Variants in ITGA7 observed in about 807,000 individuals in gnomAD.
ITGA7 encodes integrin alpha-7.
Under a neutral mutation model 131.6 loss-of-function variants are expected in ITGA7, and 84 were observed. The observed-to-expected ratio is 0.64, with a 90% confidence interval of 0.54 to 0.77. The LOEUF (loss-of-function observed/expected upper bound fraction) is 0.77. Among genes scored for constraint, ITGA7 ranks in the 30% least tolerant of loss-of-function variants. The pLI, the probability that ITGA7 is intolerant of heterozygous loss-of-function variation, is 0.00. For synonymous variants in ITGA7, 548 were observed against 600.7 expected, an observed-to-expected ratio of 0.91 and a Z score of 1.28; for missense variants, 1,399 against 1,482.9, an observed-to-expected ratio of 0.94 and a Z score of 0.93.
At chr12:55,695,972 C>T (rs960581355) in intron 13 of ITGA7, among the ~76,000 whole-genome samples, 17 of 152,124 alleles carry the variant, frequency 1.1e-4, no homozygotes, top group African/African-American at 4.1e-4. Flanking sequence ...GCCATAAAAA[C>T]CATGCAAGCA....
upstream of ITGA7, among the ~76,000 whole-genome samples, chr12:55,711,518 T>C (rs1014768403): frequency 9.2e-5 from 14 of 151,728 alleles, no homozygotes; most frequent in Non-Finnish European, 8.8e-5. Flanking sequence ...CTTCTAAGGA[T>C]ACCACTAACA....
chr12:55,697,179 C>G (rs1408025025), intron 11 of ITGA7, 37 bp downstream of exon 11: 7 of 1,577,444 alleles, frequency 4.4e-6, no homozygotes, highest in Non-Finnish European at 5.2e-6. Flanking sequence ...CCTGGGAAAC[C>G]CAAAAGGGCG....
rs1872283932 is a variant in ITGA7, at chr12:55,694,849, G to A, written c.2125C>T (p.His709Tyr). ...AQPQADGDDA[H>Y]EAQLLVMLPD... ...AGCATGACCAGGAGCTGGGCTTCAT[G>A]GGCATCATCCCCATCAGCCTGGGGC... is the stretch of plus-strand genomic sequence containing the variant. Residue 709 changes from histidine to tyrosine, a missense_variant, in exon 15 of 25, where the codon CAT becomes TAT. By Grantham distance (83) the His-to-Tyr change is moderately conservative (BLOSUM62 2). Transcript: ENST00000257879. This position sits in a 1 kb window ranked among gnomAD's most constrained non-coding sequence, Gnocchi z 5.3. 1.9e-6 allele frequency: 3 copies of A among 1,613,946 alleles called. No homozygotes were observed. The highest frequency in any genetic ancestry group is 2.5e-6 in the Non-Finnish European group (3 of 1,179,980).
upstream of ITGA7, among the ~76,000 whole-genome samples, chr12:55,714,837 A>T: frequency 7.0e-6 from 1 of 143,594 alleles, no homozygotes. Context: ...CTTAGATTCT[A>T]TTTAATTAGT....
upstream of ITGA7, among the ~76,000 whole-genome samples, chr12:55,713,265 T>C (rs962152856): frequency 2.0e-5 from 3 of 152,172 alleles, no homozygotes; most frequent in Admixed American, 6.5e-5. Flanking sequence ...CCCACTTCTA[T>C]TGATTAGCCC....
At chr12:55,713,319 G>T (rs936918651), upstream of ITGA7, among the ~76,000 whole-genome samples, 4 of 152,162 alleles carry the variant, frequency 2.6e-5, no homozygotes, top group Non-Finnish European at 5.9e-5. Flanking sequence ...TCCCCTGCCA[G>T]GATTCTCTAC....
upstream of ITGA7, chr12:55,712,469 C>T (rs1876207041): frequency 3.4e-6 from 2 of 595,102 alleles, no homozygotes; most frequent in Non-Finnish European, 3.0e-6. Flanking sequence ...CTGTTTGGCC[C>T]AGCCAGTCAG....
At chr12:55,686,424 A>T in intron 24 of ITGA7, 3 of 585,572 alleles carry the variant, frequency 5.1e-6, no homozygotes, top group South Asian at 3.5e-5. Flanking sequence ...GCAGGGAGCA[A>T]GCATCCTGGG....
intron 3 of ITGA7, among the ~76,000 whole-genome samples, chr12:55,702,182 A>T (rs1592472443): frequency 7.1e-6 from 1 of 141,006 alleles, no homozygotes; most frequent in Admixed American, 7.0e-5. Flanking sequence ...CACCTAGCTA[A>T]TTTTTTTTTT....
intron 4 of ITGA7, chr12:55,700,497 C>G: frequency 4.3e-6 from 6 of 1,379,690 alleles, no homozygotes; most frequent in African/African-American, 1.4e-5. Context: ...CCTCTTCTTT[C>G]TAGCCCTCTC....
chr12:55,707,820 G>GGGCCCCA lies in ITGA7; in HGVS notation c.-139_-138insTGGGGCC. The GGGCCCCA allele has an allele frequency of 6.9e-7, 1 of 1,455,778 alleles. No individual in the cohort carries two copies. Among genetic ancestry groups the GGGCCCCA allele is most frequent in the Non-Finnish European group, 9.1e-7 (1 of 1,102,490 alleles). The allele number at this position is 1,455,778 out of a possible 1,614,324, so 90.2% of individuals were successfully genotyped here. ...CGTCTCCCAGACGTTCGCCCCGCCA[G>GGGCCCCA]CCCTCCCGCCCGCCCGCCGCTCCGC... On this transcript the variant is annotated 5_prime_UTR_variant, in exon 1 of 25. Coordinates refer to ENST00000257879, the MANE Select transcript of ITGA7 (RefSeq NM_002206.3).
chr12:55,697,669 G>A (rs1191414825), intron 9 of ITGA7, 26 bp downstream of exon 9: 5 of 1,614,052 alleles, frequency 3.1e-6, no homozygotes, highest in Admixed American at 1.7e-5. Context: ...CGGCCTCAGG[G>A]AGGGAAAAGG....
chr12:55,697,953 G>A lies in ITGA7; in HGVS notation c.1266C>T (p.Val422=), dbSNP rs1475493786. Residue 422 remains valine, a synonymous_variant, in exon 8 of 25, where the codon GTC becomes GTT. Transcript: ENST00000257879. ...CTCCCCTCACCTGTGAAGGTTTGGCGACAACCCCCAGGCTGCTCCCATGGT... is the reference window on the plus strand; with the variant it reads ...CTCCCCTCACCTGTGAAGGTTTGGCAACAACCCCCAGGCTGCTCCCATGGT... The part of the protein sequence containing the change: ...FIYHGSSLGV[V]AKPSQVLEGE... 1.4e-5 allele frequency: 23 copies of A among 1,614,028 alleles called. No homozygotes were observed. Among genetic ancestry groups the A allele is most frequent in the African/African-American group, 8.0e-5 (6 of 74,984 alleles).
At chr12:55,716,190 C>G (rs1336884281), upstream of ITGA7, 4 of 1,609,518 alleles carry the variant, frequency 2.5e-6, no homozygotes, top group Non-Finnish European at 3.4e-6. Flanking sequence ...ACGCAAGGAG[C>G]TGCAGGGTGA....
rs372977210 is a variant in ITGA7, at chr12:55,685,109, G to A, written c.3363C>T (p.Asp1121=). 104 of 1,610,346 alleles carry A rather than the reference G, an allele frequency of 6.5e-5. No individual in the cohort carries two copies. The highest frequency in any genetic ancestry group is 1.5e-4 in the African/African-American group (11 of 74,940). ...GPDAHPILAA[D]GHPELGPDGH... The stretch of plus-strand genomic sequence containing the variant: ...CATCGGGGCCCAGCTCGGGATGCCC[G>A]TCAGCAGCCAGGATGGGGTGTGCAT... Residue 1121 remains aspartate, a synonymous_variant, in exon 25 of 25, where the codon GAC becomes GAT. Coordinates refer to ENST00000257879, the MANE Select transcript of ITGA7 (RefSeq NM_002206.3).
At chr12:55,709,717 C>A (rs1023316147), upstream of ITGA7, among the ~76,000 whole-genome samples, 2 of 143,456 alleles carry the variant, frequency 1.4e-5, no homozygotes, top group African/African-American at 2.5e-5. Flanking sequence ...GCCTTTAGAG[C>A]CCAAGCTGCC....
chr12:55,698,550 G>A lies in ITGA7; in HGVS notation c.1025C>T (p.Pro342Leu). 2 of 1,614,114 alleles carry A rather than the reference G, an allele frequency of 1.2e-6. No individual in the cohort carries two copies. The highest frequency in any genetic ancestry group is 1.7e-6 in the Non-Finnish European group (2 of 1,180,000). ...DGWPDLIVGA[P>L]YFFERQEELG... is the part of the protein sequence containing the mutation. ...CTCTTCTTGGCGCTCAAAGAAGTAG[G>A]GGGCACCCACTATCAGGTCTGGCCA... is the stretch of plus-strand genomic sequence containing the variant. Residue 342 changes from proline to leucine, a missense_variant, in exon 7 of 25, where the codon CCC (proline) becomes CTC (leucine). Physicochemically the swap from Pro to Leu is moderately conservative, Grantham distance 98. Transcript: ENST00000257879.
intron 13 of ITGA7, 96 bp from the exon 14 acceptor site, chr12:55,695,733 T>C: frequency 1.2e-6 from 1 of 831,240 alleles, no homozygotes; most frequent in Non-Finnish European, 2.1e-6. Context: ...ATCACAGGAT[T>C]AAACAACCTG....
upstream of ITGA7, chr12:55,707,961 C>T (rs1565645762): frequency 2.3e-6 from 3 of 1,319,380 alleles, no homozygotes; most frequent in Non-Finnish European, 2.9e-6. Context: ...CCGGCCCCGC[C>T]CCTCGCTCCC....
Sources: allele counts gnomAD v4.1 joint callset (sites outside exome capture counted in the v4.1 genomes callset), GRCh38; gene constraint gnomAD v4.1.1; non-coding constraint Gnocchi (gnomAD v3.1); transcripts MANE v1.5; gene names NCBI Gene and HGNC (gene_info 2026-07-23, HGNC 2026-07-21).